The following CNTN5 variants were observed in gnomAD, a reference collection of about 807,000 sequenced individuals.
CNTN5 encodes contactin-5.
In CNTN5, 77 loss-of-function variants were observed where a neutral mutation model predicts 129.1. The observed-to-expected ratio is 0.60, with a 90% CI of 0.50 to 0.72. The LOEUF (loss-of-function observed/expected upper bound fraction) is 0.72. CNTN5 is among the 30% of genes least tolerant of loss of function. The probability of loss-of-function intolerance (pLI) is 0.00; values close to 1 mark genes in which losing one functional copy is unlikely to be tolerated. For missense variants in CNTN5, 1,478 were observed against 1,328.8 expected (o/e 1.11, Z -1.75); for synonymous variants, 509 against 465.6 (o/e 1.09, Z -1.20).
At chr11:99,955,981 C>T (rs1353048470) in intron 7 of CNTN5, among the ~76,000 whole-genome samples, 3 of 152,052 alleles carry the variant, frequency 2.0e-5, no homozygotes, top group African/African-American at 4.8e-5. Context: ...ATCCATTATT[C>T]CTTCAGACTT....
chr11:99,916,045 T>C lies in CNTN5; in HGVS notation c.578-9T>C, dbSNP rs1309932400. The C allele has an allele frequency of 6.9e-6, 11 of 1,605,834 alleles. No individual in the cohort carries two copies. The South Asian group carries it at 7.8e-5, about 11-fold the overall frequency. On this transcript the variant is annotated splice_polypyrimidine_tract_variant and intron_variant, in intron 6 of 24. Transcript: ENST00000524871. ...TGCCTTGGATCTAAATGTTTTATTATGTTGACAGATCTGGGAAATTTTAGT... is the reference window on the plus strand; with the variant it reads ...TGCCTTGGATCTAAATGTTTTATTACGTTGACAGATCTGGGAAATTTTAGT...
intron 1 of CNTN5, among the ~76,000 whole-genome samples, chr11:99,158,900 CAT>C (rs1291477713): frequency 6.6e-6 from 1 of 152,032 alleles, no homozygotes; most frequent in African/African-American, 2.4e-5. Context: ...AAATTATAAA[CAT>C]ATTGAATATT....
intron 3 of CNTN5, among the ~76,000 whole-genome samples, chr11:99,704,410 G>C (rs1954663460): frequency 6.6e-6 from 1 of 150,820 alleles, no homozygotes; most frequent in African/African-American, 2.4e-5. Context: ...CTTAAGTTGT[G>C]CACTCTACAA....
At chr11:99,143,495 T>G (rs1859631110) in intron 1 of CNTN5, among the ~76,000 whole-genome samples, 1 of 150,828 alleles carries the variant, frequency 6.6e-6, no homozygotes, top group Non-Finnish European at 1.5e-5. Context: ...AGATATTTTT[T>G]GTATATGACA....
chr11:99,053,710 G>A lies in CNTN5; in HGVS notation c.-210+32440G>A, dbSNP rs115945911. Among the ~76,000 whole-genome samples the A allele has an allele frequency of 2.5e-3, 386 of 152,076 alleles. 1 individual carries two copies. Among genetic ancestry groups the A allele is most frequent in the African/African-American group, 8.9e-3 (369 of 41,524 alleles). The stretch of plus-strand genomic sequence containing the variant: ...TAAAACAGGTCAGAAAGAGGAGCAA[G>A]GGCAGCAGGTAATAGAGGATGATAT... On this transcript the variant is annotated intron_variant, in intron 1 of 24. Transcript: ENST00000524871.
At chr11:99,815,529 C>T (rs933272243) in intron 3 of CNTN5, among the ~76,000 whole-genome samples, 1 of 152,112 alleles carries the variant, frequency 6.6e-6, no homozygotes, top group African/African-American at 2.4e-5. Context: ...TTTCTAAGGA[C>T]TGGGCTTATT....
chr11:100,100,780 A>G (rs964840901), intron 13 of CNTN5, among the ~76,000 whole-genome samples: 5 of 152,120 alleles, frequency 3.3e-5, no homozygotes, highest in African/African-American at 1.2e-4. Flanking sequence ...GTTAGCAGAT[A>G]TACTTATAAG....
intron 1 of CNTN5, among the ~76,000 whole-genome samples, chr11:99,278,247 G>A (rs1863536710): frequency 6.6e-6 from 1 of 151,500 alleles, no homozygotes; most frequent in Admixed American, 6.6e-5. Context: ...GCTAACAGTG[G>A]GCTAGGCTTT....
At chr11:99,799,921 G>T (rs987045154) in intron 3 of CNTN5, among the ~76,000 whole-genome samples, 7 of 152,008 alleles carry the variant, frequency 4.6e-5, no homozygotes, top group Non-Finnish European at 7.4e-5. Context: ...TTCCATGTCA[G>T]AAATTGATAT....
intron 3 of CNTN5, among the ~76,000 whole-genome samples, chr11:99,765,788 A>G (rs1944734043): frequency 6.6e-6 from 1 of 151,948 alleles, no homozygotes; most frequent in African/African-American, 2.4e-5. Context: ...AAGGGTACAC[A>G]AAAGGAAGTT....
chr11:99,103,264 G>A (rs908017434), intron 1 of CNTN5, among the ~76,000 whole-genome samples: 2 of 152,120 alleles, frequency 1.3e-5, no homozygotes, highest in African/African-American at 4.8e-5. Context: ...CTGTGTTTCT[G>A]TGTCATTGCT....
intron 1 of CNTN5, among the ~76,000 whole-genome samples, chr11:99,177,833 A>G (rs2135556156): frequency 6.6e-6 from 1 of 152,222 alleles, no homozygotes; most frequent in East Asian, 1.9e-4. Context: ...AAGAAAATGA[A>G]TTCAGCAAAG....
chr11:99,649,184 AAAAT>A (rs142560996), intron 3 of CNTN5, among the ~76,000 whole-genome samples: 32,946 of 151,472 alleles, frequency 0.22, 3,967 homozygotes, highest in East Asian at 0.41. Flanking sequence ...TGTGAATTTA[AAAAT>A]AAATAATATT....
chr11:99,355,581 G>T (rs1177168456), intron 2 of CNTN5, among the ~76,000 whole-genome samples: 2 of 152,160 alleles, frequency 1.3e-5, no homozygotes, highest in Non-Finnish European at 2.9e-5. Context: ...TGGTGGAGGG[G>T]TGGTGCTGTC....
At chr11:99,121,110 G>C (rs1052181950) in intron 1 of CNTN5, among the ~76,000 whole-genome samples, 1 of 148,002 alleles carries the variant, frequency 6.8e-6, no homozygotes, top group Non-Finnish European at 1.5e-5. Flanking sequence ...AATTTTCAAG[G>C]GTTTTAACTG....
chr11:99,430,522 A>G (rs1417906578), intron 2 of CNTN5, among the ~76,000 whole-genome samples: 4 of 150,544 alleles, frequency 2.7e-5, no homozygotes, highest in African/African-American at 4.9e-5. Flanking sequence ...CTCTCTATAT[A>G]TATATAGCTT....
At chr11:99,846,947 G>C (rs966964667) in intron 6 of CNTN5, among the ~76,000 whole-genome samples, 1 of 152,110 alleles carries the variant, frequency 6.6e-6, no homozygotes, top group Non-Finnish European at 1.5e-5. Context: ...ATTATGTGGT[G>C]TATCACAGAA....
At chr11:99,248,780 T>C (rs1861949943) in intron 1 of CNTN5, among the ~76,000 whole-genome samples, 1 of 152,140 alleles carries the variant, frequency 6.6e-6, no homozygotes, top group Admixed American at 6.5e-5. Flanking sequence ...GTTGTAGATA[T>C]GCGGCATTAT....
intron 1 of CNTN5, among the ~76,000 whole-genome samples, chr11:99,255,011 A>G (rs977252890): frequency 6.6e-6 from 1 of 152,008 alleles, no homozygotes; most frequent in African/African-American, 2.4e-5. Context: ...ATGTTAAATT[A>G]TGTGGAAAAA....
Sources: allele counts gnomAD v4.1 joint callset (sites outside exome capture counted in the v4.1 genomes callset), GRCh38; gene constraint gnomAD v4.1.1; transcripts MANE v1.5; gene names NCBI Gene and HGNC (gene_info 2026-07-23, HGNC 2026-07-21).